Variants in UGT2B7 observed in about 807,000 individuals in gnomAD.
UGT2B7 encodes UDP-glucuronosyltransferase 2B7.
In UGT2B7, 51 loss-of-function variants were observed where a neutral mutation model predicts 51.9. The ratio of observed to expected loss-of-function variants is 0.98; its 90% CI spans 0.78 to 1.24. The LOEUF (loss-of-function observed/expected upper bound fraction) is 1.24. Among genes scored for constraint, UGT2B7 ranks in the 50% most tolerant of loss-of-function variants. The probability of loss-of-function intolerance (pLI) is 0.00; values close to 1 mark genes in which losing one functional copy is unlikely to be tolerated. For missense variants in UGT2B7, 727 were observed against 628.4 expected, an observed-to-expected ratio of 1.16 and a Z score of -1.68; for synonymous variants, 225 against 211.6, an observed-to-expected ratio of 1.06 and a Z score of -0.55.
At chr4:69,086,238 ATG>A (rs1718953508) in intron 1 of UGT2B7, among the ~76,000 whole-genome samples, 1 of 151,718 alleles carries the variant, frequency 6.6e-6, no homozygotes, top group Non-Finnish European at 1.5e-5. Flanking sequence ...TAATTTATCT[ATG>A]GACTCAATGG....
intron 1 of UGT2B7, among the ~76,000 whole-genome samples, chr4:69,057,802 G>A (rs916041840): frequency 6.6e-6 from 1 of 152,162 alleles, no homozygotes; most frequent in Admixed American, 6.5e-5. Context: ...TGGAGGGGGT[G>A]GTGGTTAGGG....
intron 1 of UGT2B7, among the ~76,000 whole-genome samples, chr4:69,056,415 G>C (rs1335174611): frequency 6.6e-6 from 1 of 152,188 alleles, no homozygotes; most frequent in Non-Finnish European, 1.5e-5. Flanking sequence ...AAATAGACTA[G>C]TTCTCGACTA....
At chr4:69,073,555 A>C (rs1175032496) in intron 1 of UGT2B7, among the ~76,000 whole-genome samples, 1 of 152,202 alleles carries the variant, frequency 6.6e-6, no homozygotes, top group Non-Finnish European at 1.5e-5. Flanking sequence ...AAAATTAATG[A>C]ATAATCCTCG....
chr4:69,073,219 G>C (rs1209720739), intron 1 of UGT2B7, among the ~76,000 whole-genome samples: 1 of 152,124 alleles, frequency 6.6e-6, no homozygotes, highest in Non-Finnish European at 1.5e-5. Flanking sequence ...CAACACTGGA[G>C]TAGCCAGGTA....
At chr4:69,110,469 AG>A in intron 5 of UGT2B7, among the ~76,000 whole-genome samples, 1 of 28,210 alleles carries the variant, frequency 3.5e-5, no homozygotes, top group South Asian at 1.0e-3. Flanking sequence ...AATACCATAT[AG>A]AAGAATATTT....
intron 1 of UGT2B7, among the ~76,000 whole-genome samples, chr4:69,081,037 CAAT>C (rs1718826378): frequency 2.0e-5 from 3 of 152,114 alleles, no homozygotes; most frequent in Non-Finnish European, 2.9e-5. Flanking sequence ...CTTTACCCAA[CAAT>C]GAGTCTCCAA....
chr4:69,093,681 G>C (rs528767085), upstream of UGT2B7, among the ~76,000 whole-genome samples: 1 of 152,264 alleles, frequency 6.6e-6, no homozygotes, highest in Admixed American at 6.5e-5. Flanking sequence ...GGTTCATGAG[G>C]GGATCTTGTG....
chr4:69,054,297 A>T (rs949776783), intron 1 of UGT2B7, among the ~76,000 whole-genome samples: 2 of 152,098 alleles, frequency 1.3e-5, no homozygotes, highest in Non-Finnish European at 2.9e-5. Flanking sequence ...CTCTCAAAAC[A>T]AAAAGACAGG....
intron 1 of UGT2B7, among the ~76,000 whole-genome samples, chr4:69,062,750 G>A (rs1230692551): frequency 6.6e-6 from 1 of 152,170 alleles, no homozygotes; most frequent in African/African-American, 2.4e-5. Flanking sequence ...AAAATAGCAA[G>A]CCCTGCTCTA....
intron 1 of UGT2B7, among the ~76,000 whole-genome samples, chr4:69,055,403 A>G (rs1166098257): frequency 1.3e-5 from 2 of 151,656 alleles, no homozygotes; most frequent in Non-Finnish European, 2.9e-5. Flanking sequence ...GCAACCTTTT[A>G]AAATTGATAA....
intron 1 of UGT2B7, among the ~76,000 whole-genome samples, chr4:69,063,404 C>T (rs1718402741): frequency 6.6e-6 from 1 of 151,202 alleles, no homozygotes. Flanking sequence ...CAAGATAGGT[C>T]AGGGGGTACT....
chr4:69,096,417 T>C, upstream of UGT2B7: 8 of 1,556,854 alleles, frequency 5.1e-6, no homozygotes, highest in Non-Finnish European at 6.9e-6. Context: ...CTTTGACTTA[T>C]AAGGGTTACA....
intron 1 of UGT2B7, among the ~76,000 whole-genome samples, chr4:69,056,112 C>T (rs1386039790): frequency 6.6e-6 from 1 of 152,158 alleles, no homozygotes; most frequent in African/African-American, 2.4e-5. Context: ...TTTCTTCTTA[C>T]TGCCCATAAA....
At chr4:69,076,418 A>G (rs1225378537) in intron 1 of UGT2B7, among the ~76,000 whole-genome samples, 5 of 152,118 alleles carry the variant, frequency 3.3e-5, no homozygotes, top group Non-Finnish European at 7.4e-5. Context: ...AAGCATTCCT[A>G]TTTCTCCACA....
chr4:69,074,295 C>A (rs1333720609), intron 1 of UGT2B7, among the ~76,000 whole-genome samples: 2 of 151,950 alleles, frequency 1.3e-5, no homozygotes, highest in Non-Finnish European at 2.9e-5. Context: ...GAGTTGTGAT[C>A]ATACCACTGC....
intron 1 of UGT2B7, among the ~76,000 whole-genome samples, chr4:69,081,233 A>G (rs1718830303): frequency 6.6e-6 from 1 of 152,192 alleles, no homozygotes; most frequent in African/African-American, 2.4e-5. Flanking sequence ...CTTTGTTGAT[A>G]CAACACTTTC....
chr4:69,077,604 A>C (rs368135761), intron 1 of UGT2B7, among the ~76,000 whole-genome samples: 1 of 151,502 alleles, frequency 6.6e-6, no homozygotes, highest in Admixed American at 6.6e-5. Context: ...GTGTATAGGA[A>C]TGCTTGTGAT....
At chr4:69,056,873 G>A (rs1006962970) in intron 1 of UGT2B7, among the ~76,000 whole-genome samples, 4 of 152,106 alleles carry the variant, frequency 2.6e-5, no homozygotes, top group Middle Eastern at 3.2e-3. Flanking sequence ...GGAAGAGAAA[G>A]ACCCTCTCAT....
intron 2 of UGT2B7, among the ~76,000 whole-genome samples, chr4:69,099,140 C>T (rs759969231): frequency 5.3e-5 from 8 of 151,112 alleles, no homozygotes; most frequent in Non-Finnish European, 1.0e-4. Flanking sequence ...GAAGGAAAAA[C>T]GCAATACCAA....
Sources: allele counts gnomAD v4.1 joint callset (sites outside exome capture counted in the v4.1 genomes callset), GRCh38; gene constraint gnomAD v4.1.1; transcripts MANE v1.5; gene names NCBI Gene and HGNC (gene_info 2026-07-23, HGNC 2026-07-21).